Variants in DIAPH3 observed in about 807,000 individuals in gnomAD.
DIAPH3 encodes diaphanous related formin 3, also known as protein diaphanous homolog 3.
DIAPH3 carries 117 observed loss-of-function variants against 144.3 expected under a neutral mutation model. That is an observed-to-expected ratio of 0.81 (90% confidence interval 0.70 to 0.95). The LOEUF (loss-of-function observed/expected upper bound fraction) is 0.95, where lower values mean the gene tolerates loss of function less well. Ranked by LOEUF, DIAPH3 falls within the 40% of genes least tolerant of loss-of-function variation. The pLI, the probability that DIAPH3 is intolerant of heterozygous loss-of-function variation, is 0.00. For missense variants in DIAPH3, 1,421 were observed against 1,412.7 expected (o/e 1.01, Z -0.09); for synonymous variants, 519 against 488.9 (o/e 1.06, Z -0.81).
chr13:59,866,696 A>G (rs2043946537), intron 21 of DIAPH3, among the ~76,000 whole-genome samples: 1 of 152,116 alleles, frequency 6.6e-6, no homozygotes, highest in Non-Finnish European at 1.5e-5. Flanking sequence ...TGATTGAAGA[A>G]AAAGGTATCT....
chr13:60,111,672 C>T lies in DIAPH3; in HGVS notation c.390+338G>A, dbSNP rs370339009. Among the ~76,000 whole-genome samples, 17 of 152,290 alleles carry T rather than the reference C, an allele frequency of 1.1e-4. No homozygotes were observed. The South Asian group carries it at 2.7e-3, about 24-fold the overall frequency. On this transcript the variant is annotated intron_variant, in intron 3 of 27. Transcript: ENST00000400324. Reference sequence around the variant, plus strand: ...AAAATCATCTCCACCACCCCCCAAACGCTCATGGAAAAATTGTCTTCCATA... The same window carrying T: ...AAAATCATCTCCACCACCCCCCAAATGCTCATGGAAAAATTGTCTTCCATA...
intron 18 of DIAPH3, among the ~76,000 whole-genome samples, chr13:59,920,451 A>C (rs1486233157): frequency 6.6e-6 from 1 of 151,866 alleles, no homozygotes; most frequent in Non-Finnish European, 1.5e-5. Flanking sequence ...AAGGAGACAA[A>C]GGATATTACA....
At chr13:59,747,474 A>T (rs561217420) in intron 27 of DIAPH3, among the ~76,000 whole-genome samples, 13 of 152,300 alleles carry the variant, frequency 8.5e-5, no homozygotes, top group Admixed American at 6.5e-4. Context: ...CCTTTATTTA[A>T]AAGGAGGGAC....
rs866283338 is a variant in DIAPH3 at position 60,005,613 on chromosome 13, T to C, written c.1014+2931A>G. ...CTCCTGCCTCAGCTTCCCGAGTAGC[T>C]GGGACTACAGGCACCCACCACCATG... On this transcript the variant is annotated intron_variant, in intron 9 of 27. Transcript: ENST00000400324. Among the ~76,000 whole-genome samples, 5 of 152,268 alleles carry C rather than the reference T, an allele frequency of 3.3e-5. No homozygotes were observed. In the South Asian group the frequency reaches 8.3e-4, roughly 25 times the overall value.
chr13:59,730,793 C>G (rs2035858113), intron 27 of DIAPH3, among the ~76,000 whole-genome samples: 1 of 152,158 alleles, frequency 6.6e-6, no homozygotes, highest in Admixed American at 6.5e-5. Context: ...GTATTACTGT[C>G]TACTTCAAAG....
chr13:59,851,751 T>C (rs2042987591), intron 22 of DIAPH3, among the ~76,000 whole-genome samples: 1 of 151,348 alleles, frequency 6.6e-6, no homozygotes, highest in African/African-American at 2.4e-5. Context: ...GCCTCCCCAG[T>C]AGCTGATATT....
chr13:59,852,134 T>C (rs1478675933), intron 22 of DIAPH3, among the ~76,000 whole-genome samples: 7 of 152,154 alleles, frequency 4.6e-5, no homozygotes, highest in Admixed American at 4.6e-4. Flanking sequence ...GAAAGATAGC[T>C]GCCAAGAAGC....
intron 25 of DIAPH3, among the ~76,000 whole-genome samples, chr13:59,790,005 TG>T (rs2039245567): frequency 6.6e-6 from 1 of 152,176 alleles, no homozygotes; most frequent in African/African-American, 2.4e-5. Flanking sequence ...AGGAAGTAGT[TG>T]GAAATATAAA....
intron 19 of DIAPH3, 92 bp downstream of exon 19, chr13:59,916,063 T>C (rs1343928847): frequency 1.9e-6 from 2 of 1,065,396 alleles, no homozygotes; most frequent in Non-Finnish European, 2.9e-6. Flanking sequence ...GTTGAATGAT[T>C]TGGGTGAAGA....
intron 22 of DIAPH3, among the ~76,000 whole-genome samples, chr13:59,855,566 T>A (rs909263853): frequency 1.3e-5 from 2 of 151,966 alleles, no homozygotes; most frequent in African/African-American, 2.4e-5. Flanking sequence ...AATTCCTAAG[T>A]ATACTTACTA....
rs781650639 is a variant in DIAPH3, at chr13:59,666,727, C to G, written c.3439G>C (p.Gly1147Arg). The G allele has an allele frequency of 6.2e-7, 1 of 1,614,004 alleles. No homozygotes were observed. Among genetic ancestry groups the G allele is most frequent in the Non-Finnish European group, 8.5e-7 (1 of 1,180,004 alleles). The change falls in exon 28 of 28, where the codon GGG becomes CGG. Residue 1147 changes from glycine to arginine, a missense_variant. Coordinates refer to ENST00000400324, the MANE Select transcript of DIAPH3 (RefSeq NM_001042517.2). Reference sequence around the variant, plus strand: ...TTCTTCTCAGCTGCCTTGATCCTCCCAGTAGACGTATGAGTGTCTAGATTA... The same window carrying G: ...TTCTTCTCAGCTGCCTTGATCCTCCGAGTAGACGTATGAGTGTCTAGATTA... The part of the protein sequence containing the change: ...NYNLDTHTST[G>R]RIKAAEKKEA...
intron 27 of DIAPH3, among the ~76,000 whole-genome samples, chr13:59,735,800 A>G (rs1305629594): frequency 2.0e-5 from 3 of 152,032 alleles, no homozygotes; most frequent in East Asian, 3.9e-4. Flanking sequence ...TTCTATTTTA[A>G]GTTCAGGGGT....
At chr13:60,150,548 T>C (rs1483485999) in intron 1 of DIAPH3, among the ~76,000 whole-genome samples, 1 of 152,168 alleles carries the variant, frequency 6.6e-6, no homozygotes, top group Non-Finnish European at 1.5e-5. Flanking sequence ...CATTTCAAAG[T>C]ACTGTGTGAG....
chr13:59,736,240 C>T (rs183712303), intron 27 of DIAPH3, among the ~76,000 whole-genome samples: 1 of 152,264 alleles, frequency 6.6e-6, no homozygotes. Context: ...TGAAAGAGTG[C>T]TGCAATGAAC....
chr13:59,998,401 G>T (rs1042458771), intron 9 of DIAPH3, among the ~76,000 whole-genome samples: 1 of 151,996 alleles, frequency 6.6e-6, no homozygotes, highest in South Asian at 2.1e-4. Context: ...AAGGGCAGAG[G>T]TGTATTTCAC....
chr13:59,971,588 A>G (rs2050381156), intron 15 of DIAPH3, among the ~76,000 whole-genome samples: 1 of 152,184 alleles, frequency 6.6e-6, no homozygotes, highest in Non-Finnish European at 1.5e-5. Flanking sequence ...CAAGCATTTA[A>G]GTGATAAGTA....
At chr13:60,056,414 T>C (rs1594532721) in intron 4 of DIAPH3, among the ~76,000 whole-genome samples, 1 of 151,934 alleles carries the variant, frequency 6.6e-6, no homozygotes, top group East Asian at 1.9e-4. Flanking sequence ...TGGATCTACA[T>C]GTATTTCATA....
intron 25 of DIAPH3, among the ~76,000 whole-genome samples, chr13:59,807,614 T>C (rs1720611535): frequency 6.6e-6 from 1 of 151,844 alleles, no homozygotes; most frequent in Non-Finnish European, 1.5e-5. Context: ...AATGTTAAAA[T>C]GTATGATGCA....
At chr13:59,713,668 G>A (rs2034874797) in intron 27 of DIAPH3, among the ~76,000 whole-genome samples, 2 of 152,092 alleles carry the variant, frequency 1.3e-5, no homozygotes, top group African/African-American at 4.8e-5. Flanking sequence ...CTTTTTTGAT[G>A]GCAGAGACAG....
Sources: gnomAD v4.1 joint callset for allele counts (sites outside exome capture counted in the v4.1 genomes callset) on GRCh38, gnomAD v4.1.1 for gene constraint, MANE v1.5 for transcripts, NCBI Gene and HGNC (gene_info 2026-07-23, HGNC 2026-07-21) for gene names.